The following CDKAL1 variants were observed in gnomAD, a reference collection of about 807,000 sequenced individuals.
CDKAL1 encodes the protein threonylcarbamoyladenosine tRNA methylthiotransferase.
A neutral mutation model predicts 68.2 loss-of-function variants in CDKAL1; 32 were observed. The ratio of observed to expected loss-of-function variants is 0.47; its 90% CI spans 0.35 to 0.63. The LOEUF is 0.63. Among genes scored for constraint, CDKAL1 ranks in the 30% least tolerant of loss-of-function variants. The pLI, the probability that CDKAL1 is intolerant of heterozygous loss-of-function variation, is 0.00. For missense variants in CDKAL1, 606 were observed against 696.7 expected, an observed-to-expected ratio of 0.87 and a Z score of 1.47; for synonymous variants, 234 against 244.3, an observed-to-expected ratio of 0.96 and a Z score of 0.39.
Position 21,180,434 on chromosome 6 carries a change from G to A in CDKAL1, c.1300-17587G>A, listed in dbSNP as rs1027710101. 5.3e-5 allele frequency among the ~76,000 whole-genome samples: 8 copies of A among 151,808 alleles called. 1 individual carries two copies. In the South Asian group the frequency reaches 1.0e-3, roughly 20 times the overall value. On this transcript the variant is annotated intron_variant, in intron 13 of 15. Coordinates refer to ENST00000274695, the MANE Select transcript of CDKAL1 (RefSeq NM_017774.3). ...TACGTCAACTGGAATACACCAGCAG[G>A]CTTGTTTTAAGTCAGCTATTTACAG...
chr6:21,188,813 A>ATTTTT, intron 13 of CDKAL1, among the ~76,000 whole-genome samples: 1 of 148,926 alleles, frequency 6.7e-6, no homozygotes, highest in South Asian at 2.1e-4. Flanking sequence ...TCTTACCACA[A>ATTTTT]TTTTTTTTTT....
chr6:21,188,164 T>G (rs532225304), intron 13 of CDKAL1, among the ~76,000 whole-genome samples: 3 of 152,334 alleles, frequency 2.0e-5, no homozygotes, highest in African/African-American at 7.2e-5. Flanking sequence ...ATGTCATACT[T>G]GCAATTTTTT....
intron 11 of CDKAL1, among the ~76,000 whole-genome samples, chr6:21,047,991 T>C (rs1038773893): frequency 6.6e-6 from 1 of 152,144 alleles, no homozygotes; most frequent in Non-Finnish European, 1.5e-5. Flanking sequence ...AATGGAAAGG[T>C]TGATTAGGGC....
chr6:21,137,205 C>T lies in CDKAL1; in HGVS notation c.1299+28742C>T, dbSNP rs186286517. On this transcript the variant is annotated intron_variant, in intron 13 of 15. Transcript: ENST00000274695. ...GACAACGGAGAAAGAACATCATTCT[C>T]TGCTTTTAGAAATTCCTTATTTTAT... Among the ~76,000 whole-genome samples, 5 of 152,342 alleles carry T rather than the reference C, an allele frequency of 3.3e-5. No individual in the cohort carries two copies. The East Asian group carries it at 9.6e-4, about 29-fold the overall frequency.
chr6:21,100,496 T>C (rs180943967), intron 12 of CDKAL1, among the ~76,000 whole-genome samples: 54 of 152,320 alleles, frequency 3.5e-4, no homozygotes, highest in Admixed American at 7.8e-4. Context: ...TTTATGGTCA[T>C]CTTAGTTATT....
chr6:21,188,101 T>A (rs1309311552), intron 13 of CDKAL1, among the ~76,000 whole-genome samples: 1 of 152,240 alleles, frequency 6.6e-6, no homozygotes, highest in African/African-American at 2.4e-5. Context: ...GTTTTCTTAC[T>A]GTTTTGTAAA....
chr6:20,913,831 A>G (rs1762589463), intron 9 of CDKAL1, among the ~76,000 whole-genome samples: 1 of 152,184 alleles, frequency 6.6e-6, no homozygotes, highest in South Asian at 2.1e-4. Context: ...ATAATAATAA[A>G]TAAAAATTAA....
intron 9 of CDKAL1, among the ~76,000 whole-genome samples, chr6:20,942,962 A>AAAT (rs1001342753): frequency 1.3e-5 from 2 of 150,070 alleles, no homozygotes; most frequent in African/African-American, 4.9e-5. Context: ...TCAAAAAAAA[A>AAAT]AAAAAAAGAT....
intron 15 of CDKAL1, among the ~76,000 whole-genome samples, chr6:21,226,861 C>A (rs1259557647): frequency 6.6e-6 from 1 of 152,122 alleles, no homozygotes; most frequent in South Asian, 2.1e-4. Flanking sequence ...TACAGGCTCC[C>A]GCCACCACGC....
At chr6:20,933,340 G>A (rs551707116) in intron 9 of CDKAL1, among the ~76,000 whole-genome samples, 1 of 152,334 alleles carries the variant, frequency 6.6e-6, no homozygotes, top group Non-Finnish European at 1.5e-5. Context: ...TGATGTTTAT[G>A]TCAACAATGT....
At chr6:20,928,141 A>G (rs760793734) in intron 9 of CDKAL1, among the ~76,000 whole-genome samples, 2 of 152,310 alleles carry the variant, frequency 1.3e-5, no homozygotes, top group Middle Eastern at 6.8e-3. Flanking sequence ...TTGCCAATCA[A>G]TAGTAACCAT....
intron 5 of CDKAL1, among the ~76,000 whole-genome samples, chr6:20,665,461 T>G (rs1312489677): frequency 6.6e-6 from 1 of 152,116 alleles, no homozygotes; most frequent in African/African-American, 2.4e-5. Context: ...GAATGCAGTC[T>G]GATATGTGTG....
intron 4 of CDKAL1, among the ~76,000 whole-genome samples, chr6:20,576,389 A>G (rs563628024): frequency 2.0e-5 from 3 of 152,342 alleles, no homozygotes; most frequent in South Asian, 2.1e-4. Context: ...AGGAGGTGTT[A>G]GCAAGATGGC....
chr6:20,791,858 A>G (rs1322593490), intron 8 of CDKAL1, among the ~76,000 whole-genome samples: 1 of 151,848 alleles, frequency 6.6e-6, no homozygotes, highest in African/African-American at 2.4e-5. Flanking sequence ...GCTAAGGTGC[A>G]TGAAAGTGAG....
intron 8 of CDKAL1, among the ~76,000 whole-genome samples, chr6:20,820,518 A>T (rs1319181149): frequency 6.6e-6 from 1 of 152,206 alleles, no homozygotes; most frequent in Admixed American, 6.5e-5. Flanking sequence ...CTTATCCACC[A>T]GGCTAACTTG....
intron 11 of CDKAL1, among the ~76,000 whole-genome samples, chr6:21,052,116 A>G (rs559967758): frequency 9.8e-5 from 15 of 152,328 alleles, no homozygotes; most frequent in Admixed American, 6.5e-4. Context: ...TTTTAATAAA[A>G]CTATGAGAAT....
At chr6:20,696,513 CTT>C (rs1037965477) in intron 5 of CDKAL1, among the ~76,000 whole-genome samples, 3 of 152,138 alleles carry the variant, frequency 2.0e-5, no homozygotes, top group African/African-American at 4.8e-5. Flanking sequence ...AGAATACAGA[CTT>C]TTTATTTTGA....
chr6:21,162,447 T>C (rs1249905548), intron 13 of CDKAL1, among the ~76,000 whole-genome samples: 1 of 152,214 alleles, frequency 6.6e-6, no homozygotes, highest in Non-Finnish European at 1.5e-5. Flanking sequence ...GGCATTGAAC[T>C]CTGAGGCCCA....
intron 5 of CDKAL1, among the ~76,000 whole-genome samples, chr6:20,704,205 G>C (rs1183459319): frequency 6.6e-6 from 1 of 152,090 alleles, no homozygotes; most frequent in Non-Finnish European, 1.5e-5. Flanking sequence ...GCTTTTTTAA[G>C]ACCTGGGGAT....
Sources: allele counts gnomAD v4.1 joint callset (sites outside exome capture counted in the v4.1 genomes callset), GRCh38; gene constraint gnomAD v4.1.1; transcripts MANE v1.5; gene names NCBI Gene and HGNC (gene_info 2026-07-23, HGNC 2026-07-21).